MYO1D: variants seen among roughly 807,000 people sequenced by gnomAD.
MYO1D encodes the protein unconventional myosin-Id.
Under a neutral mutation model 122.0 loss-of-function variants are expected in MYO1D, and 83 were observed. That is an observed-to-expected ratio of 0.68 (90% CI 0.57 to 0.82). The LOEUF (loss-of-function observed/expected upper bound fraction) is 0.82, where lower values mean the gene tolerates loss of function less well. Among genes scored for constraint, MYO1D ranks in the 40% least tolerant of loss-of-function variants. The probability of loss-of-function intolerance (pLI) is 0.00; values close to 1 mark genes in which losing one functional copy is unlikely to be tolerated. For missense variants in MYO1D, 1,157 were observed against 1,269.5 expected, an observed-to-expected ratio of 0.91 and a Z score of 1.35; for synonymous variants, 464 against 446.9, an observed-to-expected ratio of 1.04 and a Z score of -0.48.
At chr17:32,764,588 G>C (rs1288846960) in intron 8 of MYO1D, among the ~76,000 whole-genome samples, 4 of 152,076 alleles carry the variant, frequency 2.6e-5, no homozygotes, top group African/African-American at 9.7e-5. Context: ...AAATGGATCA[G>C]AGCTCAGTCA....
At chr17:32,832,065 C>T (rs2090775677) in intron 1 of MYO1D, among the ~76,000 whole-genome samples, 1 of 152,098 alleles carries the variant, frequency 6.6e-6, no homozygotes, top group African/African-American at 2.4e-5. Context: ...AGCCAAAAGG[C>T]CACGAAGCGA....
intron 21 of MYO1D, among the ~76,000 whole-genome samples, chr17:32,538,718 C>A (rs574170042): frequency 6.6e-6 from 1 of 151,880 alleles, no homozygotes; most frequent in East Asian, 1.9e-4. Flanking sequence ...AATGATAGAC[C>A]GGATAAAGAA....
intron 21 of MYO1D, among the ~76,000 whole-genome samples, chr17:32,535,231 G>C (rs1910626684): frequency 6.6e-6 from 1 of 152,112 alleles, no homozygotes; most frequent in African/African-American, 2.4e-5. Flanking sequence ...GGGAAAATGA[G>C]GCCAAACTTT....
chr17:32,844,211 C>T (rs2090911638), intron 1 of MYO1D, among the ~76,000 whole-genome samples: 1 of 146,514 alleles, frequency 6.8e-6, no homozygotes, highest in Admixed American at 6.9e-5. Flanking sequence ...CAGTATTAGG[C>T]TGTTCTTAAT....
At chr17:32,629,010 A>C (rs1262414852) in intron 20 of MYO1D, among the ~76,000 whole-genome samples, 1 of 152,180 alleles carries the variant, frequency 6.6e-6, no homozygotes, top group Non-Finnish European at 1.5e-5. Flanking sequence ...AAATTACGGC[A>C]CCTCCATATA....
At chr17:32,586,707 G>T (rs142820160) in intron 21 of MYO1D, among the ~76,000 whole-genome samples, 1,689 of 152,168 alleles carry the variant, frequency 0.011, 29 homozygotes, top group African/African-American at 0.036. Flanking sequence ...TTTATGTCAG[G>T]TTCAACAATA....
At chr17:32,537,151 T>C (rs929514913) in intron 21 of MYO1D, among the ~76,000 whole-genome samples, 3 of 152,178 alleles carry the variant, frequency 2.0e-5, no homozygotes, top group Non-Finnish European at 4.4e-5. Flanking sequence ...GTTTTTTCAG[T>C]CCCGTGTGGC....
chr17:32,526,376 T>C (rs977239469), intron 21 of MYO1D, among the ~76,000 whole-genome samples: 9 of 152,336 alleles, frequency 5.9e-5, no homozygotes, highest in African/African-American at 2.2e-4. Flanking sequence ...CTCTAAGTCT[T>C]CTATTTTAAC....
At chr17:32,715,415 T>G (rs1341749085) in intron 15 of MYO1D, among the ~76,000 whole-genome samples, 1 of 152,204 alleles carries the variant, frequency 6.6e-6, no homozygotes, top group African/African-American at 2.4e-5. Context: ...TAATTACAGT[T>G]AATTACTTCC....
intron 21 of MYO1D, among the ~76,000 whole-genome samples, chr17:32,508,824 ATCCTGC>A (rs1462568945): frequency 6.6e-6 from 1 of 152,224 alleles, no homozygotes; most frequent in Non-Finnish European, 1.5e-5. Flanking sequence ...ACCTCTATGC[ATCCTGC>A]CCCTAAAAAG....
At chr17:32,765,781 A>T (rs548672645) in intron 7 of MYO1D, among the ~76,000 whole-genome samples, 10 of 152,014 alleles carry the variant, frequency 6.6e-5, no homozygotes, top group African/African-American at 2.4e-4. Flanking sequence ...TTTTTAATCC[A>T]TCCACAATTG....
chr17:32,628,192 A>C (rs1456738636), intron 20 of MYO1D, among the ~76,000 whole-genome samples: 1 of 152,208 alleles, frequency 6.6e-6, no homozygotes, highest in Non-Finnish European at 1.5e-5. Context: ...TTTGTTAACA[A>C]TTTTACAACT....
At chr17:32,774,142 C>A (rs995425124) in intron 4 of MYO1D, among the ~76,000 whole-genome samples, 1 of 152,198 alleles carries the variant, frequency 6.6e-6, no homozygotes, top group African/African-American at 2.4e-5. Context: ...AGCCTTCCCC[C>A]ACCTGCCCAA....
chr17:32,625,521 T>TGTTA (rs1475835336), intron 20 of MYO1D, among the ~76,000 whole-genome samples: 1 of 151,858 alleles, frequency 6.6e-6, no homozygotes, highest in East Asian at 1.9e-4. Context: ...ATGCGATGAA[T>TGTTA]GTTAGTTCTG....
At chr17:32,831,056 G>A (rs1219349728) in intron 1 of MYO1D, among the ~76,000 whole-genome samples, 2 of 151,740 alleles carry the variant, frequency 1.3e-5, no homozygotes, top group South Asian at 2.1e-4. Context: ...ACTCCGTCTC[G>A]AATAAAAAAA....
At chr17:32,607,814 CAT>C (rs781772233) in intron 20 of MYO1D, among the ~76,000 whole-genome samples, 2 of 151,514 alleles carry the variant, frequency 1.3e-5, no homozygotes, top group Non-Finnish European at 2.9e-5. Context: ...AAAAAAAAAA[CAT>C]AGATCAGAAA....
Position 32,778,581 on chromosome 17 carries a change from G to A in MYO1D, c.305-8C>T. 6.2e-7 allele frequency: 1 copy of A among 1,607,484 alleles called. No individual in the cohort carries two copies. Among genetic ancestry groups the A allele is most frequent in the South Asian group, 1.1e-5 (1 of 90,814 alleles). On this transcript the variant is annotated splice_region_variant and splice_polypyrimidine_tract_variant and intron_variant, in intron 2 of 21. Coordinates refer to ENST00000318217, the MANE Select transcript of MYO1D (RefSeq NM_015194.3). ...TACCAGCTCCACTTTCCCCTGGGGGGAAAAATTGTTCAGGGCTTAACATAA... is the reference window on the plus strand; with the variant it reads ...TACCAGCTCCACTTTCCCCTGGGGGAAAAAATTGTTCAGGGCTTAACATAA...
chr17:32,526,245 A>G (rs1704817885), intron 21 of MYO1D, among the ~76,000 whole-genome samples: 1 of 152,212 alleles, frequency 6.6e-6, no homozygotes, highest in Non-Finnish European at 1.5e-5. Flanking sequence ...CTGGCTCAGC[A>G]CATAATAGCT....
intron 17 of MYO1D, among the ~76,000 whole-genome samples, chr17:32,657,119 G>A (rs761531498): frequency 1.6e-4 from 25 of 152,208 alleles, no homozygotes; most frequent in Non-Finnish European, 3.7e-4. Flanking sequence ...CAGCCTCAAT[G>A]ACATGAAAAG....
Sources: gnomAD v4.1 joint callset for allele counts (sites outside exome capture counted in the v4.1 genomes callset) on GRCh38, gnomAD v4.1.1 for gene constraint, MANE v1.5 for transcripts, NCBI Gene and HGNC (gene_info 2026-07-23, HGNC 2026-07-21) for gene names.